LIPF: variants seen among roughly 807,000 people sequenced by gnomAD.
LIPF encodes lipase F, gastric type.
In LIPF, 25 loss-of-function variants were observed where a neutral mutation model predicts 38.0. That is an observed-to-expected ratio of 0.66 (90% CI 0.48 to 0.92). The LOEUF is 0.92. LIPF is among the 40% of genes least tolerant of loss of function. The pLI is 0.00. For synonymous variants in LIPF, 161 were observed against 156.2 expected (o/e 1.03, Z -0.23); for missense variants, 410 against 469.9 (o/e 0.87, Z 1.18).
In LIPF at chr10:88,673,690, G is replaced by A. The variant is rs1193873889; in HGVS notation, c.772G>A (p.Ala258Thr). ...GATGCTGAATCTCCTTTGCAGCAAT[G>A]CCTTATTTATAATTTGTGGATTTGA... ...REMLNLLCSN[A>T]LFIICGFDSK... is the part of the protein sequence containing the mutation. The change falls in exon 7 of 10, where the codon GCC becomes ACC. Residue 258 changes from alanine (A) to threonine (T), a missense_variant. By Grantham distance (58) the Ala-to-Thr change is moderately conservative (BLOSUM62 0). Transcript: ENST00000238983. The A allele has an allele frequency of 1.2e-6, 2 of 1,613,080 alleles. No individual in the cohort carries two copies. Among genetic ancestry groups the A allele is most frequent in the East Asian group, 2.2e-5 (1 of 44,864 alleles).
chr10:88,673,228 T>G (rs1459316711), intron 6 of LIPF, among the ~76,000 whole-genome samples: 1 of 152,220 alleles, frequency 6.6e-6, no homozygotes, highest in African/African-American at 2.4e-5. Context: ...CACAATTTAT[T>G]GCTGAAATCT....
At chr10:88,666,342 T>C (rs528177206) in intron 1 of LIPF, among the ~76,000 whole-genome samples, 20 of 152,206 alleles carry the variant, frequency 1.3e-4, no homozygotes, top group Non-Finnish European at 2.5e-4. Flanking sequence ...GCTCCTAACA[T>C]ACAATTTCTC....
At chr10:88,672,025 G>A in intron 6 of LIPF, 60 bp downstream of exon 6, 1 of 1,436,736 alleles carries the variant, frequency 7.0e-7, no homozygotes, top group South Asian at 1.3e-5. Flanking sequence ...GGATTTTAAA[G>A]TTATAGAAAG....
intron 1 of LIPF, among the ~76,000 whole-genome samples, chr10:88,665,890 G>A (rs1841505840): frequency 6.6e-6 from 1 of 151,756 alleles, no homozygotes; most frequent in African/African-American, 2.4e-5. Flanking sequence ...TTACAGGCGC[G>A]CACACCCGGC....
intron 5 of LIPF, among the ~76,000 whole-genome samples, chr10:88,670,354 A>G (rs1841576108): frequency 6.6e-6 from 1 of 152,244 alleles, no homozygotes; most frequent in Non-Finnish European, 1.5e-5. Flanking sequence ...GATAGGAGGC[A>G]GAGAAAATAA....
At chr10:88,673,479 A>C in intron 6 of LIPF, 109 bp from the exon 7 acceptor site, 1 of 839,218 alleles carries the variant, frequency 1.2e-6, no homozygotes, top group South Asian at 1.8e-5. Flanking sequence ...TGTAAGAATA[A>C]GAATATATCA....
intron 7 of LIPF, 148 bp downstream of exon 7, chr10:88,673,882 T>C: frequency 1.5e-6 from 1 of 681,560 alleles, no homozygotes; most frequent in East Asian, 2.6e-5. Context: ...AAATCATTGC[T>C]CCCAATTTAA....
chr10:88,665,323 A>G (rs814623), intron 1 of LIPF, among the ~76,000 whole-genome samples: 21,215 of 152,244 alleles, frequency 0.14, 1,847 homozygotes, highest in East Asian at 0.31. Context: ...ATCATAATGA[A>G]TTCCCCTAAC....
intron 3 of LIPF, 116 bp from the exon 4 acceptor site, chr10:88,668,442 C>A: frequency 2.3e-6 from 2 of 866,154 alleles, no homozygotes; most frequent in Admixed American, 2.8e-5. Context: ...CAAAAATAAT[C>A]AACTCAATCA....
chr10:88,665,594 C>T (rs1220395603), intron 1 of LIPF: 1 of 1,504,056 alleles, frequency 6.6e-7, no homozygotes, highest in Admixed American at 2.0e-5. Context: ...AATGGCAAAT[C>T]ACTTAATGGA....
chr10:88,665,737 A>ATTTTTTTTTTTTTTTTTTTT (rs68081693), intron 1 of LIPF, among the ~76,000 whole-genome samples: 6 of 100,240 alleles, frequency 6.0e-5, no homozygotes, highest in Non-Finnish European at 7.9e-5. Context: ...TTAAAAACTG[A>ATTTTTTTTTTTTTTTTTTTT]TTTTTTTTTT....
intron 5 of LIPF, among the ~76,000 whole-genome samples, chr10:88,670,794 T>C (rs1841584702): frequency 6.6e-6 from 1 of 152,160 alleles, no homozygotes; most frequent in Admixed American, 6.5e-5. Context: ...AGAATAATTT[T>C]GAATCGAAGA....
rs752786650 is a variant in LIPF, at chr10:88,668,734, T to A, written c.400T>A (p.Ser134Thr). ...ARRNLYYSPD[S>T]VEFWAFSFDE... ...AAGAAACTTGTACTATTCACCAGAT[T>A]CAGTTGAATTCTGGGCTTTCAGGTA... The change falls in exon 4 of 10, where the codon TCA becomes ACA. Residue 134 changes from serine (S) to threonine (T), a missense_variant. Coordinates refer to ENST00000238983, the MANE Select transcript of LIPF (RefSeq NM_004190.4). 3.7e-6 allele frequency: 6 copies of A among 1,613,820 alleles called. No homozygotes were observed. Among genetic ancestry groups the A allele is most frequent in the Non-Finnish European group, 2.5e-6 (3 of 1,179,884 alleles).
chr10:88,670,640 ATGCCTTG>A (rs1025036060), intron 5 of LIPF, among the ~76,000 whole-genome samples: 1 of 152,192 alleles, frequency 6.6e-6, no homozygotes, highest in Admixed American at 6.5e-5. Context: ...CAGTGAGGCT[ATGCCTTG>A]TGTGGATGAA....
chr10:88,664,536 G>C (rs1480511494), intron 1 of LIPF, 45 bp downstream of exon 1: 1 of 152,570 alleles, frequency 6.6e-6, no homozygotes, highest in African/African-American at 2.4e-5. Flanking sequence ...TGAATTATTA[G>C]ATTTTTTCTT....
chr10:88,672,670 A>ACACACTCT (rs869259093), intron 6 of LIPF, among the ~76,000 whole-genome samples: 20 of 110,552 alleles, frequency 1.8e-4, no homozygotes, highest in African/African-American at 6.5e-4. Context: ...ACACACACAC[A>ACACACTCT]CTCTCTCTCT....
In LIPF at chr10:88,668,885, A is replaced by G. The variant is rs1841554481; in HGVS notation, c.422+129A>G. 3.9e-6 allele frequency: 3 copies of G among 778,572 alleles called. No individual in the cohort carries two copies. In the South Asian group the frequency reaches 5.7e-5, roughly 15 times the overall value. The allele number at this position is 778,572 out of a possible 1,614,324, so 48.2% of individuals were successfully genotyped here. ...GGATAAACAAGTCATTTTCATTCTA[A>G]TCCATTCTTGGATTCTTCCATGTAC... On this transcript the variant is annotated intron_variant, in intron 4 of 9. Coordinates refer to ENST00000238983, the MANE Select transcript of LIPF (RefSeq NM_004190.4).
chr10:88,673,515 A>T (rs1841635761), intron 6 of LIPF, 73 bp from the exon 7 acceptor site: 1 of 1,101,392 alleles, frequency 9.1e-7, no homozygotes, highest in Non-Finnish European at 1.3e-6. Context: ...ATGTATAAGT[A>T]GATTAGATAA....
chr10:88,669,706 G>C (rs1841565436), intron 4 of LIPF, 131 bp from the exon 5 acceptor site: 1 of 590,230 alleles, frequency 1.7e-6, no homozygotes, highest in Non-Finnish European at 2.9e-6. Flanking sequence ...ATCCACTGAT[G>C]GTCTATAAGC....
Sources: gnomAD v4.1 joint callset for allele counts (sites outside exome capture counted in the v4.1 genomes callset) on GRCh38, gnomAD v4.1.1 for gene constraint, MANE v1.5 for transcripts, NCBI Gene and HGNC (gene_info 2026-07-23, HGNC 2026-07-21) for gene names.